The following SPINK2 variants were observed in gnomAD, a reference collection of about 807,000 sequenced individuals.
The protein encoded by SPINK2 is serine peptidase inhibitor Kazal type 2.
SPINK2 carries 8 observed loss-of-function variants against 13.5 expected under a neutral mutation model. That is an observed-to-expected ratio of 0.59 (90% confidence interval 0.35 to 1.07). The LOEUF is 1.07. SPINK2 is among the 50% of genes least tolerant of loss of function. The probability of loss-of-function intolerance (pLI) is 0.02; values close to 1 mark genes in which losing one functional copy is unlikely to be tolerated. For synonymous variants in SPINK2, 76 were observed against 74.7 expected, an observed-to-expected ratio of 1.02 and a Z score of -0.09; for missense variants, 148 against 180.3, an observed-to-expected ratio of 0.82 and a Z score of 1.03.
chr4:56,820,344 C>A (rs1377887365), intron 2 of SPINK2, among the ~76,000 whole-genome samples, 192 bp downstream of exon 2: 1 of 152,170 alleles, frequency 6.6e-6, no homozygotes, highest in Non-Finnish European at 1.5e-5. Flanking sequence ...AATATTAACA[C>A]AAAGACTGAG....
intron 2 of SPINK2, among the ~76,000 whole-genome samples, chr4:56,816,071 C>G (rs987532424): frequency 1.3e-5 from 2 of 151,966 alleles, no homozygotes; most frequent in African/African-American, 4.8e-5. Context: ...CTATTGCACT[C>G]TAGCATGAGC....
At chr4:56,811,008 G>A (rs967721948) in intron 3 of SPINK2, among the ~76,000 whole-genome samples, 2 of 152,098 alleles carry the variant, frequency 1.3e-5, no homozygotes, top group African/African-American at 4.8e-5. Flanking sequence ...CCCACTTCCC[G>A]ACTACTAATA....
intron 2 of SPINK2, among the ~76,000 whole-genome samples, chr4:56,813,147 AC>A (rs942895859): frequency 1.3e-5 from 2 of 151,960 alleles, no homozygotes; most frequent in Non-Finnish European, 2.9e-5. Flanking sequence ...ACATGGTGAA[AC>A]CCCATCTCTA....
intron 3 of SPINK2, among the ~76,000 whole-genome samples, chr4:56,811,012 A>G (rs1269926585): frequency 6.6e-6 from 1 of 152,224 alleles, no homozygotes; most frequent in Non-Finnish European, 1.5e-5. Flanking sequence ...CTTCCCGACT[A>G]CTAATACAGG....
upstream of SPINK2, chr4:56,821,746 A>C (rs1376030188): frequency 1.6e-6 from 2 of 1,239,270 alleles, no homozygotes; most frequent in African/African-American, 3.5e-5. Context: ...GGGCGCGGGG[A>C]GGGCGGGGGA....
rs186049680 is a variant in SPINK2, at chr4:56,812,292, C to T, written c.250-498G>A. Among the ~76,000 whole-genome samples, 7 of 151,812 alleles carry T rather than the reference C, an allele frequency of 4.6e-5. No homozygotes were observed. The East Asian group carries it at 1.4e-3, about 30-fold the overall frequency. On this transcript the variant is annotated intron_variant, in intron 2 of 3. Coordinates refer to ENST00000506738, the MANE Select transcript of SPINK2 (RefSeq NM_001271718.2). The stretch of plus-strand genomic sequence containing the variant: ...GACTTTGGCTGGGAGCAGTGGCTTA[C>T]GCCTGTAATCCCAACACTTTGGGAG...
chr4:56,817,840 T>G, intron 2 of SPINK2, among the ~76,000 whole-genome samples: 3 of 137,464 alleles, frequency 2.2e-5, no homozygotes, highest in South Asian at 2.3e-4. Flanking sequence ...GCAACAAGAG[T>G]GAAACTCCAT....
intron 2 of SPINK2, among the ~76,000 whole-genome samples, chr4:56,818,049 G>C (rs1008442200): frequency 4.8e-4 from 73 of 152,176 alleles, no homozygotes; most frequent in African/African-American, 1.7e-3. Flanking sequence ...AAGCAGCAGT[G>C]TGTAGCAGGA....
chr4:56,817,577 G>A (rs1187641034), intron 2 of SPINK2, among the ~76,000 whole-genome samples: 1 of 152,168 alleles, frequency 6.6e-6, no homozygotes, highest in African/African-American at 2.4e-5. Context: ...CAGGCCGGGT[G>A]CGGTGGTTCA....
At chr4:56,821,859 A>C, upstream of SPINK2, 1 of 517,796 alleles carries the variant, frequency 1.9e-6, no homozygotes, top group Non-Finnish European at 3.2e-6. Context: ...GGGTCGGGGG[A>C]GAACCGGAAA....
At chr4:56,819,899 G>A (rs765774785) in intron 2 of SPINK2, among the ~76,000 whole-genome samples, 4 of 152,182 alleles carry the variant, frequency 2.6e-5, no homozygotes, top group Non-Finnish European at 4.4e-5. Context: ...ACAGGCGTGA[G>A]TCACTGCGCC....
At chr4:56,816,413 A>T (rs1717453214) in intron 2 of SPINK2, among the ~76,000 whole-genome samples, 1 of 151,854 alleles carries the variant, frequency 6.6e-6, no homozygotes, top group Admixed American at 6.6e-5. Context: ...CCACTTTGGG[A>T]GGCCGAGGTG....
intron 3 of SPINK2, 38 bp from the exon 4 acceptor site, chr4:56,810,222 T>A (rs1215070392): frequency 1.3e-6 from 2 of 1,544,874 alleles, no homozygotes; most frequent in Non-Finnish European, 8.9e-7. Context: ...ATTTATTACC[T>A]ACCATACTGA....
At chr4:56,816,481 G>A (rs575027824) in intron 2 of SPINK2, among the ~76,000 whole-genome samples, 43 of 151,788 alleles carry the variant, frequency 2.8e-4, no homozygotes, top group Non-Finnish European at 5.6e-4. Flanking sequence ...GTGAAACCCC[G>A]TCTCTACTAA....
chr4:56,810,080 A>T lies in SPINK2; in HGVS notation c.*59T>A. ...GGAAAAGAGAAAAAGGGGAAATGCA[A>T]TTTATCTAGTCTGCCAGTGAAGGTG... On this transcript the variant is annotated 3_prime_UTR_variant, in exon 4 of 4. Coordinates refer to ENST00000506738, the MANE Select transcript of SPINK2 (RefSeq NM_001271718.2). 1 of 1,555,692 alleles carries T rather than the reference A, an allele frequency of 6.4e-7. No homozygotes were observed. Among genetic ancestry groups the T allele is most frequent in the Non-Finnish European group, 8.7e-7 (1 of 1,151,600 alleles).
At chr4:56,813,109 G>C (rs1403428693) in intron 2 of SPINK2, among the ~76,000 whole-genome samples, 1 of 152,144 alleles carries the variant, frequency 6.6e-6, no homozygotes, top group Non-Finnish European at 1.5e-5. Flanking sequence ...ATCACCTGAG[G>C]TCAGGAGTTC....
intron 2 of SPINK2, among the ~76,000 whole-genome samples, chr4:56,815,141 A>G (rs1245264388): frequency 6.6e-6 from 1 of 152,014 alleles, no homozygotes; most frequent in Non-Finnish European, 1.5e-5. Flanking sequence ...CCAGGAACAG[A>G]AGAGAACTTC....
intron 2 of SPINK2, among the ~76,000 whole-genome samples, chr4:56,814,453 G>A (rs891466749): frequency 6.6e-6 from 1 of 152,020 alleles, no homozygotes; most frequent in Admixed American, 6.6e-5. Context: ...AGAAAAGTTG[G>A]ATCCTGCCTA....
chr4:56,813,923 T>A (rs1717208877), intron 2 of SPINK2, among the ~76,000 whole-genome samples: 2 of 137,488 alleles, frequency 1.5e-5, no homozygotes, highest in South Asian at 2.4e-4. Flanking sequence ...CTGGCCCTTT[T>A]TTTTTTTTTT....
Sources: allele counts gnomAD v4.1 joint callset (sites outside exome capture counted in the v4.1 genomes callset), GRCh38; gene constraint gnomAD v4.1.1; transcripts MANE v1.5; gene names NCBI Gene and HGNC (gene_info 2026-07-23, HGNC 2026-07-21).